SV2B: variants seen among roughly 807,000 people sequenced by gnomAD.
SV2B encodes the protein synaptic vesicle glycoprotein 2B, also known as solute carrier family 22 member B2.
A neutral mutation model predicts 73.9 loss-of-function variants in SV2B; 41 were observed. The ratio of observed to expected loss-of-function variants is 0.56; its 90% CI spans 0.43 to 0.72. The LOEUF (loss-of-function observed/expected upper bound fraction) is 0.72. SV2B is among the 30% of genes least tolerant of loss of function. SV2B has a pLI of 0.00. For synonymous variants in SV2B, 314 were observed against 314.2 expected, an observed-to-expected ratio of 1.00 and a Z score of 0.01; for missense variants, 764 against 857.8, an observed-to-expected ratio of 0.89 and a Z score of 1.37.
Position 91,232,121 on chromosome 15 carries a change from A to G in SV2B, c.451+5407A>G, listed in dbSNP as rs2046599578. On this transcript the variant is annotated intron_variant, in intron 2 of 12. Transcript: ENST00000394232. The surrounding 1 kb of genome is among the most constrained non-coding windows in gnomAD (Gnocchi z 4.7). ...TTGTCAGTTCCTGAAAGGAGGAGCCACTCTGTGTCTCAGAAGGGGGTGGCA... is the reference window on the plus strand; with the variant it reads ...TTGTCAGTTCCTGAAAGGAGGAGCCGCTCTGTGTCTCAGAAGGGGGTGGCA... Among the ~76,000 whole-genome samples, 1 of 151,948 alleles carries G rather than the reference A, an allele frequency of 6.6e-6. No homozygotes were observed.
intron 6 of SV2B, among the ~76,000 whole-genome samples, chr15:91,262,044 T>G (rs1308771419): frequency 6.6e-6 from 1 of 152,232 alleles, no homozygotes; most frequent in Non-Finnish European, 1.5e-5. Context: ...CCATTTACCC[T>G]TGTTAACCTG....
At chr15:91,158,352 G>A (rs2043560359) in intron 1 of SV2B, among the ~76,000 whole-genome samples, 1 of 152,120 alleles carries the variant, frequency 6.6e-6, no homozygotes, top group Non-Finnish European at 1.5e-5. Flanking sequence ...ATCTGGGCTA[G>A]GGGGATTACA....
At chr15:91,104,255 C>T (rs184212272) in intron 1 of SV2B, among the ~76,000 whole-genome samples, 2 of 152,196 alleles carry the variant, frequency 1.3e-5, no homozygotes, top group South Asian at 4.1e-4. Flanking sequence ...TGATTTTGGT[C>T]TGCTGATGGA....
At chr15:91,196,098 C>A (rs940486150) in intron 1 of SV2B, among the ~76,000 whole-genome samples, 1 of 152,158 alleles carries the variant, frequency 6.6e-6, no homozygotes, top group Admixed American at 6.5e-5. Flanking sequence ...AGTCTTCTTT[C>A]AAAAATAAAT....
In SV2B at chr15:91,280,746, TA is replaced by T. The variant is rs1467591272; in HGVS notation, c.1374-974del. On this transcript the variant is annotated intron_variant, in intron 9 of 12. Coordinates refer to ENST00000394232, the MANE Select transcript of SV2B (RefSeq NM_001323032.3). The surrounding 1 kb of genome is among the most constrained non-coding windows in gnomAD (Gnocchi z 5.8). ...CCTTATTGTCTTTTTAACTGAGTTTTAAAAAAAAGTGAACACATAATACATA... is the reference window on the plus strand; with the variant it reads ...CCTTATTGTCTTTTTAACTGAGTTTTAAAAAAAGTGAACACATAATACATA... Among the ~76,000 whole-genome samples, 1 of 152,102 alleles carries T rather than the reference TA, an allele frequency of 6.6e-6. No homozygotes were observed. The highest frequency in any genetic ancestry group is 1.5e-5 in the Non-Finnish European group (1 of 68,002).
chr15:91,170,701 C>T (rs1407051115), intron 1 of SV2B, among the ~76,000 whole-genome samples: 2 of 152,328 alleles, frequency 1.3e-5, no homozygotes, highest in East Asian at 1.9e-4. Flanking sequence ...CTTAGATTCA[C>T]CATTGTAATT....
intron 1 of SV2B, among the ~76,000 whole-genome samples, chr15:91,153,267 A>G (rs2043371667): frequency 6.6e-6 from 1 of 152,062 alleles, no homozygotes; most frequent in Non-Finnish European, 1.5e-5. Flanking sequence ...TTTTGGGGGG[A>G]CAAATACATT....
Position 91,105,155 on chromosome 15 carries a change from T to C in SV2B, c.-392+4792T>C, listed in dbSNP as rs1286706012. Among the ~76,000 whole-genome samples, 1 of 152,204 alleles carries C rather than the reference T, an allele frequency of 6.6e-6. No individual in the cohort carries two copies. The highest frequency in any genetic ancestry group is 1.5e-5 in the Non-Finnish European group (1 of 68,032). On this transcript the variant is annotated intron_variant, in intron 1 of 12. Coordinates refer to ENST00000394232, the MANE Select transcript of SV2B (RefSeq NM_001323032.3). This position sits in a 1 kb window ranked among gnomAD's most constrained non-coding sequence, Gnocchi z 5.5. Reference sequence around the variant, plus strand: ...TGTTATAGGAAGTAGACCCATCTCATGAAGCATTCATTCTAGTTGAGGGAG... The same window carrying C: ...TGTTATAGGAAGTAGACCCATCTCACGAAGCATTCATTCTAGTTGAGGGAG...
intron 9 of SV2B, among the ~76,000 whole-genome samples, chr15:91,271,476 A>T (rs561655205): frequency 6.6e-6 from 1 of 152,184 alleles, no homozygotes; most frequent in Non-Finnish European, 1.5e-5. Context: ...CCATGTTTCT[A>T]TGCTTCAAAT....
chr15:91,154,198 T>C (rs1465512550), intron 1 of SV2B, among the ~76,000 whole-genome samples: 1 of 148,626 alleles, frequency 6.7e-6, no homozygotes, highest in Non-Finnish European at 1.5e-5. Flanking sequence ...ATTATAAAAT[T>C]ATATTATAAA....
intron 11 of SV2B, among the ~76,000 whole-genome samples, chr15:91,285,780 T>C (rs1473819458): frequency 6.6e-6 from 1 of 152,086 alleles, no homozygotes; most frequent in Non-Finnish European, 1.5e-5. Flanking sequence ...GAGGAAGTTC[T>C]GGGGGAGGCA....
At position 91,290,801 on chromosome 15, in the gene SV2B, T is replaced by C. The variant is rs111612255; in HGVS notation, c.1868+1121T>C. 3.3e-5 allele frequency among the ~76,000 whole-genome samples: 5 copies of C among 152,054 alleles called. No homozygotes were observed. The highest frequency in any genetic ancestry group is 1.2e-4 in the African/African-American group (5 of 41,402). ...CGAGGCAAAAGGATTGCTTGAAGGC[T>C]GGAGTTCAAGATCAGCCTGGGCAAT... On this transcript the variant is annotated intron_variant, in intron 12 of 12. Transcript: ENST00000394232. The surrounding 1 kb of genome is among the most constrained non-coding windows in gnomAD (Gnocchi z 4.7).
In SV2B at chr15:91,226,449, G is replaced by A. The variant is rs757741040; in HGVS notation, c.186G>A (p.Lys62=). The change falls in exon 2 of 13, where the codon AAG becomes AAA. Residue 62 remains lysine, a synonymous_variant. Transcript: ENST00000394232. ...CTCACCCAGATGATGTCAAGGCCAA[G>A]CAGGCCAAGATGGCGCCCTCCAGAA... ...GIPHPDDVKA[K]QAKMAPSRMD... The A allele has an allele frequency of 5.0e-6, 8 of 1,614,084 alleles. No homozygotes were observed. Among genetic ancestry groups the A allele is most frequent in the Non-Finnish European group, 5.9e-6 (7 of 1,180,028 alleles).
At chr15:91,209,613 A>G (rs1285833868) in intron 1 of SV2B, among the ~76,000 whole-genome samples, 1 of 152,186 alleles carries the variant, frequency 6.6e-6, no homozygotes, top group Non-Finnish European at 1.5e-5. Context: ...ATATTCTGTA[A>G]TATATGGGGA....
In SV2B at chr15:91,199,527, G is replaced by A. The variant is rs114746915; in HGVS notation, c.-391-26346G>A. 6.3e-3 allele frequency among the ~76,000 whole-genome samples: 954 copies of A among 152,352 alleles called. 7 individuals are homozygous for A. The highest frequency in any genetic ancestry group is 0.022 in the African/African-American group (909 of 41,580). On this transcript the variant is annotated intron_variant, in intron 1 of 12. Transcript: ENST00000394232. ...AAATGCCGCTTTGCTAAAACACAGC[G>A]CCTCTGGGCAGATGTTAGGCCCTTG...
At chr15:91,131,363 T>G (rs1471339686) in intron 1 of SV2B, among the ~76,000 whole-genome samples, 1 of 150,278 alleles carries the variant, frequency 6.7e-6, no homozygotes, top group Non-Finnish European at 1.5e-5. Flanking sequence ...GGACTGGGGG[T>G]CAGTCGATTT....
At chr15:91,219,167 T>A (rs1252268062) in intron 1 of SV2B, among the ~76,000 whole-genome samples, 1 of 152,140 alleles carries the variant, frequency 6.6e-6, no homozygotes, top group East Asian at 1.9e-4. Flanking sequence ...CAGGCTTGTC[T>A]CAAACTCCTG....
In SV2B at chr15:91,232,928, G is replaced by A. The variant is rs141159105; in HGVS notation, c.451+6214G>A. On this transcript the variant is annotated intron_variant, in intron 2 of 12. Coordinates refer to ENST00000394232, the MANE Select transcript of SV2B (RefSeq NM_001323032.3). This position sits in a 1 kb window ranked among gnomAD's most constrained non-coding sequence, Gnocchi z 4.7. The stretch of plus-strand genomic sequence containing the variant: ...GTATGTCACGAATACCCAATATTTA[G>A]CGCTCGCTTATAAGTGAGAACATGC... Among the ~76,000 whole-genome samples the A allele has an allele frequency of 1.0e-3, 153 of 152,252 alleles. 2 individuals are homozygous for A. The highest frequency in any genetic ancestry group is 6.8e-3 in the Middle Eastern group (2 of 294).
intron 1 of SV2B, among the ~76,000 whole-genome samples, chr15:91,190,343 T>TTC (rs60511647): frequency 6.6e-6 from 1 of 151,900 alleles, no homozygotes; most frequent in Non-Finnish European, 1.5e-5. Context: ...TCTTTTTTTT[T>TTC]CCTTTATTTC....
Sources: allele counts gnomAD v4.1 joint callset (sites outside exome capture counted in the v4.1 genomes callset), GRCh38; gene constraint gnomAD v4.1.1; non-coding constraint Gnocchi (gnomAD v3.1); transcripts MANE v1.5; gene names NCBI Gene and HGNC (gene_info 2026-07-23, HGNC 2026-07-21).